The following PDGFRL variants were observed in gnomAD, a reference collection of about 807,000 sequenced individuals.
The protein encoded by PDGFRL is platelet derived growth factor receptor like, also known as platelet-derived growth factor receptor-like protein.
Under a neutral mutation model 37.2 loss-of-function variants are expected in PDGFRL, and 46 were observed. The observed-to-expected ratio is 1.24, with a 90% CI of 0.98 to 1.58. PDGFRL has a LOEUF of 1.58. Among genes scored for constraint, PDGFRL ranks in the 40% most tolerant of loss-of-function variants. PDGFRL has a pLI of 0.00. For synonymous variants in PDGFRL, 251 were observed against 184.3 expected (o/e 1.36, Z -2.93); for missense variants, 692 against 467.6 (o/e 1.48, Z -4.43).
rs1803607045 is a variant in PDGFRL at position 17,577,317 on chromosome 8, T to A, written c.55+10T>A. ...GAAGCGCTGGAGGATGGTGAGTGAC[T>A]CTGGGCGCGGGGCCACCTAGCTTGT... is the stretch of plus-strand genomic sequence containing the variant. On this transcript the variant is annotated intron_variant, in intron 1 of 5. Transcript: ENST00000251630. 6.2e-7 allele frequency: 1 copy of A among 1,610,344 alleles called. No individual in the cohort carries two copies. Among genetic ancestry groups the A allele is most frequent in the African/African-American group, 1.3e-5 (1 of 74,736 alleles).
At chr8:17,596,388 G>C in intron 2 of PDGFRL, 1 of 1,060,696 alleles carries the variant, frequency 9.4e-7, no homozygotes, top group Non-Finnish European at 1.2e-6. Flanking sequence ...CCAATACCAC[G>C]TACATTTTAA....
chr8:17,585,593 G>T (rs1803798495), intron 1 of PDGFRL, among the ~76,000 whole-genome samples: 1 of 152,126 alleles, frequency 6.6e-6, no homozygotes, highest in Non-Finnish European at 1.5e-5. Context: ...TAATTGGGAA[G>T]CAACTGAGTG....
rs752096880 is a variant in PDGFRL, at chr8:17,642,777, A to T, written c.1104A>T (p.Val368=). The change falls in exon 6 of 6, where the codon GTA becomes GTT. Residue 368 remains valine (V), a synonymous_variant. Coordinates refer to ENST00000251630, the MANE Select transcript of PDGFRL (RefSeq NM_001372073.1). ...TAQNLQGQTT[V]ATTVEFS ...AGAATCTTCAAGGACAGACCACAGT[A>T]GCTACCACTGTTGAGTTTTCCTGAC... 1.2e-6 allele frequency: 2 copies of T among 1,607,158 alleles called. No individual in the cohort carries two copies. The highest frequency in any genetic ancestry group is 2.7e-5 in the African/African-American group (2 of 74,772).
chr8:17,594,678 T>C (rs1804014464), intron 2 of PDGFRL, among the ~76,000 whole-genome samples: 1 of 152,114 alleles, frequency 6.6e-6, no homozygotes, highest in Admixed American at 6.5e-5. Context: ...CCTCAGCCTC[T>C]GGAGTAGCTG....
At chr8:17,630,644 C>T (rs2129811789) in intron 4 of PDGFRL, among the ~76,000 whole-genome samples, 1 of 152,328 alleles carries the variant, frequency 6.6e-6, no homozygotes, top group South Asian at 2.1e-4. Flanking sequence ...CCTCCCCTCC[C>T]CTCCCCTCCC....
At chr8:17,612,588 C>G (rs1465763441) in intron 2 of PDGFRL, among the ~76,000 whole-genome samples, 1 of 152,202 alleles carries the variant, frequency 6.6e-6, no homozygotes, top group Non-Finnish European at 1.5e-5. Flanking sequence ...CCAGGCTGGT[C>G]TCAAACTCCT....
At chr8:17,607,254 G>A (rs973353388) in intron 2 of PDGFRL, among the ~76,000 whole-genome samples, 7 of 152,046 alleles carry the variant, frequency 4.6e-5, no homozygotes, top group African/African-American at 1.7e-4. Context: ...TCATACTAAT[G>A]GTCCCAAGGT....
chr8:17,577,424 C>G, intron 1 of PDGFRL, 117 bp downstream of exon 1: 1 of 848,780 alleles, frequency 1.2e-6, no homozygotes, highest in Non-Finnish European at 1.9e-6. Context: ...GGTGGCTCAG[C>G]CCCCGCGCCA....
At position 17,628,779 on chromosome 8, in the gene PDGFRL, G is replaced by T. The variant is rs1329672909; in HGVS notation, c.798G>T (p.Ala266=). Residue 266 remains alanine (A), a splice_region_variant and synonymous_variant, in exon 4 of 6, where the codon GCG becomes GCT. Transcript: ENST00000251630. The part of the protein sequence containing the change: ...ISVKYQLLYV[A]VPSGPPSTTI... Reference sequence around the variant, plus strand: ...TCAAGTACCAGCTGCTCTATGTGGCGGGTAAGCCTGGCCACCCCTGCCTAG... The same window carrying T: ...TCAAGTACCAGCTGCTCTATGTGGCTGGTAAGCCTGGCCACCCCTGCCTAG... The T allele has an allele frequency of 1.2e-6, 2 of 1,609,970 alleles. No individual in the cohort carries two copies. The highest frequency in any genetic ancestry group is 4.5e-5 in the East Asian group (2 of 44,840).
chr8:17,587,699 C>G (rs1248883721), intron 1 of PDGFRL, among the ~76,000 whole-genome samples: 1 of 150,584 alleles, frequency 6.6e-6, no homozygotes, highest in Non-Finnish European at 1.5e-5. Context: ...GTGATCTCGG[C>G]TCACTGTAAC....
chr8:17,602,335 T>G (rs567602612), intron 2 of PDGFRL, among the ~76,000 whole-genome samples: 112 of 152,294 alleles, frequency 7.4e-4, no homozygotes, highest in African/African-American at 2.5e-3. Context: ...AGTGGCTGCA[T>G]GAGTCCCAGA....
In PDGFRL at chr8:17,589,530, C is replaced by G. The variant is rs750733774; in HGVS notation, c.118C>G (p.Pro40Ala). 6.2e-7 allele frequency: 1 copy of G among 1,613,702 alleles called. No individual in the cohort carries two copies. The highest frequency in any genetic ancestry group is 8.5e-7 in the Non-Finnish European group (1 of 1,179,730). Reference protein sequence around the residue: ...PKEPGENRIKPTNKKVKPKIP... With the variant: ...PKEPGENRIKATNKKVKPKIP... ...AGAACCAGGAGAGAATAGAATCAAA[C>G]CTACCAACAAGAAGGTGAAGCCCAA... Residue 40 changes from proline (P) to alanine (A), a missense_variant, in exon 2 of 6, where the codon CCT (proline) becomes GCT (alanine). By Grantham distance (27) the Pro-to-Ala change is conservative. Transcript: ENST00000251630.
intron 2 of PDGFRL, among the ~76,000 whole-genome samples, chr8:17,605,247 G>A (rs1797694756): frequency 6.6e-6 from 1 of 152,148 alleles, no homozygotes; most frequent in South Asian, 2.1e-4. Context: ...TCAGAAGAAA[G>A]ACAATGTCTC....
At chr8:17,614,774 C>T (rs1327625672) in intron 2 of PDGFRL, among the ~76,000 whole-genome samples, 1 of 152,054 alleles carries the variant, frequency 6.6e-6, no homozygotes, top group Non-Finnish European at 1.5e-5. Flanking sequence ...AGATGGGGGT[C>T]TCTCTTTTTC....
At chr8:17,590,233 T>A (rs1157101733) in intron 2 of PDGFRL, among the ~76,000 whole-genome samples, 1 of 1,434 alleles carries the variant, frequency 7.0e-4, no homozygotes, top group Non-Finnish European at 2.5e-3. Flanking sequence ...CGAGACTCCA[T>A]CTCAAAAAAA....
In PDGFRL at chr8:17,643,007, C is replaced by T. The variant is rs62496778; in HGVS notation, c.*206C>T. The T allele has an allele frequency of 1.0e-2, 4,933 of 495,752 alleles. 50 individuals are homozygous for T. The highest frequency in any genetic ancestry group is 0.013 in the Non-Finnish European group (3,579 of 284,778). The allele number at this position is 495,752 out of a possible 1,614,324, so 30.7% of individuals were successfully genotyped here. A position where few individuals can be genotyped will look rare whatever the true frequency, so the allele number is the denominator to read the frequency against. On this transcript the variant is annotated 3_prime_UTR_variant, in exon 6 of 6. Coordinates refer to ENST00000251630, the MANE Select transcript of PDGFRL (RefSeq NM_001372073.1). ...AAGTGTTAACTTTTCTAACAGAAAG[C>T]ATGATTTTGATTGCTTACCTACATA...
At chr8:17,598,061 C>T (rs1049332058) in intron 2 of PDGFRL, among the ~76,000 whole-genome samples, 1 of 152,108 alleles carries the variant, frequency 6.6e-6, no homozygotes, top group African/African-American at 2.4e-5. Context: ...ATATAAATAA[C>T]TTGATCTCAT....
At chr8:17,629,830 C>T (rs1804825133) in intron 4 of PDGFRL, among the ~76,000 whole-genome samples, 1 of 152,142 alleles carries the variant, frequency 6.6e-6, no homozygotes, top group Non-Finnish European at 1.5e-5. Flanking sequence ...TTGTACTTTC[C>T]CAGGATTCTG....
At chr8:17,618,911 C>T (rs2517214) in intron 2 of PDGFRL, among the ~76,000 whole-genome samples, 37,924 of 151,654 alleles carry the variant, frequency 0.25, 5,219 homozygotes, top group African/African-American at 0.36. Context: ...TCCTGAGAGT[C>T]GATCCTAATT....
Sources: gnomAD v4.1 joint callset for allele counts (sites outside exome capture counted in the v4.1 genomes callset) on GRCh38, gnomAD v4.1.1 for gene constraint, MANE v1.5 for transcripts, NCBI Gene and HGNC (gene_info 2026-07-23, HGNC 2026-07-21) for gene names.